SMOC2: variants seen among roughly 807,000 people sequenced by gnomAD.
SMOC2 encodes the protein SPARC-related modular calcium-binding protein 2.
In SMOC2, 39 loss-of-function variants were observed where a neutral mutation model predicts 61.4. That is an observed-to-expected ratio of 0.64 (90% confidence interval 0.49 to 0.83). SMOC2 has a LOEUF of 0.83. SMOC2 is among the 40% of genes least tolerant of loss of function. The pLI is 0.00. For synonymous variants in SMOC2, 247 were observed against 239.9 expected, an observed-to-expected ratio of 1.03 and a Z score of -0.27; for missense variants, 556 against 592.9, an observed-to-expected ratio of 0.94 and a Z score of 0.65.
chr6:168,518,266 A>G (rs2180344), intron 2 of SMOC2, among the ~76,000 whole-genome samples: 75,135 of 151,876 alleles, frequency 0.49, 22,053 homozygotes, highest in Non-Finnish European at 0.67. Context: ...CATGAAGGAA[A>G]TCTGTGCGGG....
intron 7 of SMOC2, among the ~76,000 whole-genome samples, chr6:168,571,451 T>C (rs1784664207): frequency 1.3e-5 from 2 of 152,110 alleles, no homozygotes; most frequent in Admixed American, 1.3e-4. Flanking sequence ...GACGTGCCGA[T>C]GGGACACAGG....
chr6:168,659,718 G>GATTATTGGCTGGA (rs1562410957), intron 11 of SMOC2, among the ~76,000 whole-genome samples: 1 of 51,546 alleles, frequency 1.9e-5, no homozygotes, highest in Admixed American at 1.9e-4. Context: ...TGTAGGCTGA[G>GATTATTGGCTGGA]TGAGGGTGGA....
chr6:168,483,260 T>G (rs1782252881), intron 1 of SMOC2, among the ~76,000 whole-genome samples: 1 of 151,852 alleles, frequency 6.6e-6, no homozygotes, highest in Non-Finnish European at 1.5e-5. Context: ...GATATAGAAT[T>G]AAAACACAAA....
intron 1 of SMOC2, among the ~76,000 whole-genome samples, chr6:168,484,093 G>A (rs1380623956): frequency 6.6e-6 from 1 of 152,030 alleles, no homozygotes; most frequent in Non-Finnish European, 1.5e-5. Context: ...GTACAAATTG[G>A]ACTTTAAGAA....
intron 7 of SMOC2, among the ~76,000 whole-genome samples, chr6:168,574,714 G>T (rs1363716970): frequency 6.6e-6 from 1 of 152,090 alleles, no homozygotes; most frequent in Non-Finnish European, 1.5e-5. Context: ...GACCCATCCC[G>T]AACTGCCGGA....
At position 168,666,504 on chromosome 6, in the gene SMOC2, G is replaced by A. The variant is rs887715879; in HGVS notation, c.*66G>A. ...ATTTCCCTCACCAAAGAGCAATTAA[G>A]AAAACAAAAACAGAAACACATAGTA... On this transcript the variant is annotated 3_prime_UTR_variant, in exon 13 of 13. Transcript: ENST00000356284. 27 of 1,560,978 alleles carry A rather than the reference G, an allele frequency of 1.7e-5. No individual in the cohort carries two copies. The highest frequency in any genetic ancestry group is 1.7e-4 in the Middle Eastern group (1 of 5,962).
chr6:168,460,275 T>A (rs2115002475), intron 1 of SMOC2, among the ~76,000 whole-genome samples: 1 of 152,298 alleles, frequency 6.6e-6, no homozygotes, highest in South Asian at 2.1e-4. Context: ...TTATGGGATA[T>A]CCTTCTAAGG....
intron 11 of SMOC2, among the ~76,000 whole-genome samples, chr6:168,661,431 G>A (rs144808287): frequency 6.6e-6 from 1 of 152,076 alleles, no homozygotes; most frequent in African/African-American, 2.4e-5. Context: ...GTGAAACCCC[G>A]TCTCTACTGA....
At chr6:168,521,957 A>G (rs1048875109) in intron 2 of SMOC2, among the ~76,000 whole-genome samples, 2 of 152,234 alleles carry the variant, frequency 1.3e-5, no homozygotes, top group African/African-American at 4.8e-5. Flanking sequence ...TGCAGGTAAG[A>G]GCAAACATTT....
chr6:168,554,225 C>G (rs1784194189), intron 7 of SMOC2, among the ~76,000 whole-genome samples: 1 of 152,248 alleles, frequency 6.6e-6, no homozygotes, highest in Non-Finnish European at 1.5e-5. Flanking sequence ...GCCATAGTCT[C>G]CCACAAGACA....
At chr6:168,464,835 G>A (rs1781793382) in intron 1 of SMOC2, among the ~76,000 whole-genome samples, 1 of 152,240 alleles carries the variant, frequency 6.6e-6, no homozygotes. Context: ...AAGTGCCAGG[G>A]AGGAACATTG....
intron 2 of SMOC2, among the ~76,000 whole-genome samples, chr6:168,515,743 G>A (rs191971286): frequency 3.3e-4 from 23 of 69,606 alleles, no homozygotes; most frequent in South Asian, 9.3e-4. Flanking sequence ...AGGGGCTCCT[G>A]GGGAGCAGGA....
rs992196805 is a variant in SMOC2, at chr6:168,471,812, A to G, written c.84+30358A>G. On this transcript the variant is annotated intron_variant, in intron 1 of 12. Coordinates refer to ENST00000356284, the MANE Select transcript of SMOC2 (RefSeq NM_001166412.2). The stretch of plus-strand genomic sequence containing the variant: ...GGGTTGGGTGTGATTGCTCATTGGA[A>G]GGTTTTCATTTTTATTTCCCTAATG... Among the ~76,000 whole-genome samples, 9 of 152,138 alleles carry G rather than the reference A, an allele frequency of 5.9e-5. 1 individual carries two copies. The highest frequency in any genetic ancestry group is 1.9e-4 in the African/African-American group (8 of 41,430).
At chr6:168,539,144 C>T (rs1272827428) in intron 4 of SMOC2, among the ~76,000 whole-genome samples, 1 of 152,170 alleles carries the variant, frequency 6.6e-6, no homozygotes, top group African/African-American at 2.4e-5. Context: ...TTCATGCTGA[C>T]TGAAGCATGA....
In SMOC2 at chr6:168,543,804, A is replaced by G; in HGVS notation, c.511+132A>G. The G allele has an allele frequency of 9.8e-6, 8 of 819,216 alleles. No individual in the cohort carries two copies. In the South Asian group the frequency reaches 1.2e-4, roughly 12 times the overall value. The allele number at this position is 819,216 out of a possible 1,614,324, so 50.7% of individuals were successfully genotyped here. A position where few individuals can be genotyped will look rare whatever the true frequency, so the allele number is the denominator to read the frequency against. The stretch of plus-strand genomic sequence containing the variant: ...AGCCGAACCAGTTTGTTACTTCTGC[A>G]TTCATTCAGCAATGCCATTCACTCA... On this transcript the variant is annotated intron_variant, in intron 5 of 12. Coordinates refer to ENST00000356284, the MANE Select transcript of SMOC2 (RefSeq NM_001166412.2).
intron 1 of SMOC2, among the ~76,000 whole-genome samples, chr6:168,451,595 C>CTCTG (rs1339797110): frequency 1.7e-5 from 2 of 116,302 alleles, no homozygotes; most frequent in African/African-American, 7.3e-5. Context: ...CTCTCTCTGT[C>CTCTG]TCTGTCTCTC....
chr6:168,624,299 G>A (rs1347475376), intron 9 of SMOC2, among the ~76,000 whole-genome samples: 1 of 152,184 alleles, frequency 6.6e-6, no homozygotes, highest in African/African-American at 2.4e-5. Flanking sequence ...GTGCTGTGGT[G>A]ACCTATCCAA....
intron 11 of SMOC2, among the ~76,000 whole-genome samples, chr6:168,659,491 T>G (rs1215256021): frequency 6.6e-6 from 1 of 151,110 alleles, no homozygotes; most frequent in Non-Finnish European, 1.5e-5. Flanking sequence ...AGGGTGGAAG[T>G]TATAGTATTG....
chr6:168,575,683 T>C (rs1224322575), intron 7 of SMOC2, among the ~76,000 whole-genome samples: 2 of 152,212 alleles, frequency 1.3e-5, no homozygotes, highest in Admixed American at 1.3e-4. Flanking sequence ...TCATGCTAAA[T>C]AGCACCCACA....
Sources: gnomAD v4.1 joint callset for allele counts (sites outside exome capture counted in the v4.1 genomes callset) on GRCh38, gnomAD v4.1.1 for gene constraint, MANE v1.5 for transcripts, NCBI Gene and HGNC (gene_info 2026-07-23, HGNC 2026-07-21) for gene names.